RGPD6: variants seen among roughly 807,000 people sequenced by gnomAD.
RGPD6 encodes the protein RANBP2-like and GRIP domain-containing protein 5/6.
At chr2:110,596,870 G>A in the RGPD6 span, among the ~76,000 whole-genome samples, 1 of 134,816 alleles carries the variant, frequency 7.4e-6, no homozygotes, top group Non-Finnish European at 1.5e-5. Flanking sequence ...ATCTCAAGAT[G>A]TTTTTCCATA....
chr2:110,593,225 A>G, the RGPD6 span, among the ~76,000 whole-genome samples: 3 of 148,170 alleles, frequency 2.0e-5, no homozygotes, highest in Non-Finnish European at 4.4e-5. Context: ...GGAGAAGGTA[A>G]AAACCTACCC....
At chr2:110,610,810 C>A in the RGPD6 span, 9 of 1,087,598 alleles carry the variant, frequency 8.3e-6, 1 homozygote, top group African/African-American at 1.3e-4. Flanking sequence ...CCGCCGCTGC[C>A]GCCGCCGCCG....
At chr2:110,606,843 C>A in the RGPD6 span, among the ~76,000 whole-genome samples, 1 of 151,574 alleles carries the variant, frequency 6.6e-6, no homozygotes, top group East Asian at 1.9e-4. Context: ...CTCTTTCCAT[C>A]CTCCACCCAA....
the RGPD6 span, among the ~76,000 whole-genome samples, chr2:110,605,273 T>C: frequency 3.3e-5 from 5 of 151,866 alleles, 1 homozygote; most frequent in East Asian, 1.9e-4. Context: ...GAAGCCACTC[T>C]ACTGAGAAGG....
the RGPD6 span, chr2:110,610,771 GGGA>G: frequency 8.9e-7 from 1 of 1,128,236 alleles, no homozygotes; most frequent in Non-Finnish European, 1.1e-6. Flanking sequence ...TGTCCATGGT[GGGA>G]GGTGTCAGCG....
the RGPD6 span, chr2:110,610,880 C>G: frequency 1.2e-6 from 1 of 841,936 alleles, no homozygotes; most frequent in Non-Finnish European, 1.4e-6. Context: ...GCATCCCAGC[C>G]GCGCCAGAGC....
At chr2:110,600,507 T>C in the RGPD6 span, among the ~76,000 whole-genome samples, 427 of 6,826 alleles carry the variant, frequency 0.063, no homozygotes, top group African/African-American at 0.14. Flanking sequence ...TTCAGGATGG[T>C]TCAAGTGCAT....
the RGPD6 span, among the ~76,000 whole-genome samples, chr2:110,599,779 T>C: frequency 1.2e-5 from 1 of 85,032 alleles, no homozygotes; most frequent in Non-Finnish European, 2.6e-5. Context: ...TAACTAATTA[T>C]TTACCTAACT....
the RGPD6 span, among the ~76,000 whole-genome samples, chr2:110,593,216 G>A: frequency 5.9e-3 from 867 of 148,100 alleles, no homozygotes; most frequent in Admixed American, 9.5e-3. Flanking sequence ...TGAAGCTTTG[G>A]AGAAGGTAAA....
chr2:110,603,922 T>C, the RGPD6 span, among the ~76,000 whole-genome samples: 1 of 150,940 alleles, frequency 6.6e-6, no homozygotes, highest in Admixed American at 6.6e-5. Context: ...GATTGGGTGG[T>C]GTCCTCTTAC....
chr2:110,600,296 C>T, the RGPD6 span, among the ~76,000 whole-genome samples: 6,141 of 88,432 alleles, frequency 0.069, 36 homozygotes, highest in African/African-American at 0.17. Context: ...TGTGGTCTTC[C>T]CATTTCTGAT....
At chr2:110,591,701 TG>T in the RGPD6 span, among the ~76,000 whole-genome samples, 1 of 151,958 alleles carries the variant, frequency 6.6e-6, no homozygotes, top group Non-Finnish European at 1.5e-5. Context: ...ATTTCCTCCC[TG>T]AGGCTCTTTC....
the RGPD6 span, among the ~76,000 whole-genome samples, chr2:110,595,082 T>C: frequency 2.9e-5 from 1 of 34,470 alleles, no homozygotes. Flanking sequence ...ATATTTTTAC[T>C]TTGGCCAGTC....
At chr2:110,606,635 A>C in the RGPD6 span, among the ~76,000 whole-genome samples, 9 of 133,696 alleles carry the variant, frequency 6.7e-5, no homozygotes, top group Non-Finnish European at 7.9e-5. Flanking sequence ...TCTTTAAAAG[A>C]GACAGTATAG....
At chr2:110,593,013 C>T in the RGPD6 span, among the ~76,000 whole-genome samples, 1 of 147,680 alleles carries the variant, frequency 6.8e-6, no homozygotes, top group Admixed American at 6.8e-5. Context: ...GGCTACTAAA[C>T]GTTCTTAACA....
chr2:110,610,789 C>CGCCGCCGCT, the RGPD6 span: 20,073 of 1,117,458 alleles, frequency 0.018, 378 homozygotes, highest in South Asian at 0.026. Flanking sequence ...TCAGCGTCGC[C>CGCCGCCGCT]GCCGCCGCTG....
chr2:110,591,478 T>C, the RGPD6 span, among the ~76,000 whole-genome samples: 4 of 149,946 alleles, frequency 2.7e-5, no homozygotes, highest in Admixed American at 2.6e-4. Context: ...ACTATCAAAA[T>C]GTCTTTAGCA....
chr2:110,596,829 T>C, the RGPD6 span, among the ~76,000 whole-genome samples: 7 of 134,528 alleles, frequency 5.2e-5, no homozygotes, highest in Non-Finnish European at 7.7e-5. Flanking sequence ...CACAATATAC[T>C]ATTCATTCTG....
the RGPD6 span, among the ~76,000 whole-genome samples, chr2:110,609,727 TC>T: frequency 8.3e-6 from 1 of 120,794 alleles, no homozygotes; most frequent in South Asian, 3.1e-4. Flanking sequence ...CAGATGTTCA[TC>T]CCCGTAAATA....
Sources: allele counts gnomAD v4.1 joint callset (sites outside exome capture counted in the v4.1 genomes callset), GRCh38; gene constraint gnomAD v4.1.1; transcripts MANE v1.5; gene names NCBI Gene and HGNC (gene_info 2026-07-23, HGNC 2026-07-21).